The following PRKCE variants were observed in gnomAD, a reference collection of about 807,000 sequenced individuals.
PRKCE encodes protein kinase C epsilon type.
In PRKCE, 16 loss-of-function variants were observed where a neutral mutation model predicts 85.4. That is an observed-to-expected ratio of 0.19 (90% confidence interval 0.13 to 0.28). The LOEUF is 0.28. PRKCE is among the 10% of genes least tolerant of loss of function. The probability of loss-of-function intolerance (pLI) is 1.00; values close to 1 mark genes in which losing one functional copy is unlikely to be tolerated. For synonymous variants in PRKCE, 388 were observed against 371.5 expected, an observed-to-expected ratio of 1.04 and a Z score of -0.51; for missense variants, 573 against 975.2, an observed-to-expected ratio of 0.59 and a Z score of 5.49.
At chr2:45,853,698 C>G (rs1044837558) in intron 2 of PRKCE, among the ~76,000 whole-genome samples, 16 of 152,222 alleles carry the variant, frequency 1.1e-4, no homozygotes, top group Non-Finnish European at 7.3e-5. Flanking sequence ...AAAACTGTCA[C>G]TTCTAAAGGA....
intron 1 of PRKCE, among the ~76,000 whole-genome samples, chr2:45,769,722 T>G (rs1685169118): frequency 6.6e-6 from 1 of 152,244 alleles, no homozygotes; most frequent in South Asian, 2.1e-4. Flanking sequence ...GCTCACATAT[T>G]TTGATATGTT....
chr2:45,746,588 G>T (rs1282450111), intron 1 of PRKCE, among the ~76,000 whole-genome samples: 1 of 152,188 alleles, frequency 6.6e-6, no homozygotes, highest in African/African-American at 2.4e-5. Flanking sequence ...CTGAAATGTG[G>T]ATAGTGCTAC....
In PRKCE at chr2:45,697,043, AG is replaced by A. The variant is rs1678211795; in HGVS notation, c.348+44596del. Among the ~76,000 whole-genome samples, 1 of 152,238 alleles carries A rather than the reference AG, an allele frequency of 6.6e-6. No homozygotes were observed. The highest frequency in any genetic ancestry group is 2.1e-4 in the South Asian group (1 of 4,830). ...GGCCCATGTTTGGTGCAGAGCTGAAAGCAAACCTTTTTGTGACTACATTAAT... is the reference window on the plus strand; with the variant it reads ...GGCCCATGTTTGGTGCAGAGCTGAAACAAACCTTTTTGTGACTACATTAAT... On this transcript the variant is annotated intron_variant, in intron 1 of 14. Transcript: ENST00000306156. This position sits in a 1 kb window ranked among gnomAD's most constrained non-coding sequence, Gnocchi z 4.2.
At chr2:46,169,670 G>A (rs770160290) in intron 14 of PRKCE, among the ~76,000 whole-genome samples, 1 of 152,190 alleles carries the variant, frequency 6.6e-6, no homozygotes, top group Non-Finnish European at 1.5e-5. Context: ...CCTGACCTAG[G>A]ACTTTAGCCG....
chr2:45,898,525 C>T (rs1696324724), intron 2 of PRKCE, among the ~76,000 whole-genome samples: 1 of 152,174 alleles, frequency 6.6e-6, no homozygotes, highest in South Asian at 2.1e-4. Flanking sequence ...TCCCACCACA[C>T]ATTGCTTGAG....
chr2:45,789,237 A>G (rs1686850439), intron 1 of PRKCE, among the ~76,000 whole-genome samples: 1 of 152,186 alleles, frequency 6.6e-6, no homozygotes, highest in South Asian at 2.1e-4. Flanking sequence ...CCATGTCTAC[A>G]AAAGAAAAGG....
chr2:45,862,666 G>A (rs560662564), intron 2 of PRKCE, among the ~76,000 whole-genome samples: 38 of 152,268 alleles, frequency 2.5e-4, no homozygotes, highest in Admixed American at 2.6e-4. Flanking sequence ...TACAGATCAC[G>A]GGAACCAGGT....
At chr2:45,757,797 G>A (rs1243807624) in intron 1 of PRKCE, among the ~76,000 whole-genome samples, 2 of 152,164 alleles carry the variant, frequency 1.3e-5, no homozygotes, top group African/African-American at 4.8e-5. Flanking sequence ...CATTGGAAAT[G>A]AGAGGAGAAA....
At chr2:46,107,647 G>C (rs768737988) in intron 11 of PRKCE, among the ~76,000 whole-genome samples, 6 of 152,254 alleles carry the variant, frequency 3.9e-5, no homozygotes, top group Non-Finnish European at 7.3e-5. Flanking sequence ...GTCTTGCAAA[G>C]TGGCTGAAAT....
chr2:46,004,656 G>A lies in PRKCE; in HGVS notation c.1063+18G>A. 1 of 1,552,382 alleles carries A rather than the reference G, an allele frequency of 6.4e-7. No homozygotes were observed. Among genetic ancestry groups the A allele is most frequent in the South Asian group, 1.2e-5 (1 of 85,420 alleles). On this transcript the variant is annotated intron_variant, in intron 8 of 14. Transcript: ENST00000306156. The surrounding 1 kb of genome is among the most constrained non-coding windows in gnomAD (Gnocchi z 4.1). ...TGACCAGGGTGAGACCCTCAGATTT[G>A]CTTCCTGACCTCTGAGTTCTGCCAT...
chr2:46,152,767 C>T (rs1676775778), intron 13 of PRKCE, among the ~76,000 whole-genome samples: 1 of 151,692 alleles, frequency 6.6e-6, no homozygotes, highest in Non-Finnish European at 1.5e-5. Context: ...CAGGCTGGTT[C>T]CGAACTCCTG....
At chr2:46,118,691 A>C (rs1673006935) in intron 11 of PRKCE, among the ~76,000 whole-genome samples, 2 of 152,336 alleles carry the variant, frequency 1.3e-5, no homozygotes, top group South Asian at 2.1e-4. Flanking sequence ...ACAGCCAAAG[A>C]GATGGAGGAT....
At chr2:45,720,907 G>A (rs940259757) in intron 1 of PRKCE, among the ~76,000 whole-genome samples, 26 of 152,020 alleles carry the variant, frequency 1.7e-4, no homozygotes, top group Non-Finnish European at 3.4e-4. Flanking sequence ...AGGAGTTCGA[G>A]ACCAGCCTGG....
intron 1 of PRKCE, among the ~76,000 whole-genome samples, chr2:45,747,104 T>G (rs1019570644): frequency 6.6e-6 from 1 of 152,184 alleles, no homozygotes; most frequent in African/African-American, 2.4e-5. Flanking sequence ...GATTATAACC[T>G]CTTGAGGCCA....
chr2:45,976,983 G>C (rs1298956172), intron 3 of PRKCE, among the ~76,000 whole-genome samples: 1 of 150,496 alleles, frequency 6.6e-6, no homozygotes, highest in Non-Finnish European at 1.5e-5. Flanking sequence ...TGCAACCTCT[G>C]TCTCCCAGGT....
At chr2:45,922,294 T>C (rs1437225716) in intron 2 of PRKCE, among the ~76,000 whole-genome samples, 1 of 152,210 alleles carries the variant, frequency 6.6e-6, no homozygotes, top group Non-Finnish European at 1.5e-5. Context: ...TCCTATCATA[T>C]GCAGTGCTTA....
At chr2:45,991,102 G>A (rs182834286) in intron 6 of PRKCE, among the ~76,000 whole-genome samples, 2 of 151,794 alleles carry the variant, frequency 1.3e-5, no homozygotes, top group East Asian at 3.9e-4. Context: ...TGCCTCCTGG[G>A]TTCAAGTGAT....
chr2:45,715,176 T>C (rs1172442105), intron 1 of PRKCE, among the ~76,000 whole-genome samples: 1 of 152,254 alleles, frequency 6.6e-6, no homozygotes, highest in Non-Finnish European at 1.5e-5. Flanking sequence ...TGCAACCGTG[T>C]GCATGACGCT....
chr2:45,858,588 T>A (rs1429344800), intron 2 of PRKCE, among the ~76,000 whole-genome samples: 1 of 152,228 alleles, frequency 6.6e-6, no homozygotes, highest in Non-Finnish European at 1.5e-5. Flanking sequence ...CACCCTTCAC[T>A]GACTTTGTCT....
Sources: allele counts gnomAD v4.1 joint callset (sites outside exome capture counted in the v4.1 genomes callset), GRCh38; gene constraint gnomAD v4.1.1; non-coding constraint Gnocchi (gnomAD v3.1); transcripts MANE v1.5; gene names NCBI Gene and HGNC (gene_info 2026-07-23, HGNC 2026-07-21).